TMC7: variants seen among roughly 807,000 people sequenced by gnomAD.
The protein encoded by TMC7 is transmembrane channel-like protein 7.
Under a neutral mutation model 82.9 loss-of-function variants are expected in TMC7, and 54 were observed. The ratio of observed to expected loss-of-function variants is 0.65; its 90% confidence interval spans 0.52 to 0.82. TMC7 has a LOEUF of 0.82. Ranked by LOEUF, TMC7 falls within the 40% of genes least tolerant of loss-of-function variation. The pLI, the probability that TMC7 is intolerant of heterozygous loss-of-function variation, is 0.00. For missense variants in TMC7, 820 were observed against 901.2 expected (o/e 0.91, Z 1.15); for synonymous variants, 350 against 337.9 (o/e 1.04, Z -0.39).
At chr16:18,991,735 G>A (rs561797736) in intron 1 of TMC7, among the ~76,000 whole-genome samples, 5 of 150,882 alleles carry the variant, frequency 3.3e-5, no homozygotes, top group East Asian at 2.0e-4. Context: ...TCCCTCCCCC[G>A]TCCCCGCACC....
At position 19,009,609 on chromosome 16, in the gene TMC7, G is replaced by GA. The variant is rs1008483523; in HGVS notation, c.311+205dup. Among the ~76,000 whole-genome samples the GA allele has an allele frequency of 2.2e-3, 306 of 141,484 alleles. 2 individuals carry two copies. The highest frequency in any genetic ancestry group is 4.4e-3 in the African/African-American group (172 of 38,730). The allele number at this position is 141,484 out of a possible 152,430, so 92.8% of individuals were successfully genotyped here. A position where few individuals can be genotyped will look rare whatever the true frequency, so the allele number is the denominator to read the frequency against. On this transcript the variant is annotated intron_variant, in intron 2 of 15. Transcript: ENST00000304381. ...GCTTCACTTGACTAGCCTTAAAAAA[G>GA]AAAAAAAAAAAGACACCCAAACATA...
chr16:18,987,799 G>T (rs1184713286), intron 1 of TMC7, among the ~76,000 whole-genome samples: 1 of 152,198 alleles, frequency 6.6e-6, no homozygotes, highest in Admixed American at 6.5e-5. Flanking sequence ...AGACTCTGGA[G>T]TCTCAAGTGC....
chr16:19,025,832 G>T (rs1340418608), intron 5 of TMC7, among the ~76,000 whole-genome samples: 3 of 150,118 alleles, frequency 2.0e-5, no homozygotes, highest in Non-Finnish European at 3.0e-5. Context: ...TTGGCTCATT[G>T]CAACCTCTGC....
chr16:19,013,914 C>G (rs565690367), intron 2 of TMC7, among the ~76,000 whole-genome samples: 6 of 139,480 alleles, frequency 4.3e-5, no homozygotes, highest in African/African-American at 1.6e-4. Flanking sequence ...AGTGCACTGG[C>G]ACCATCTTGG....
chr16:19,025,138 A>AGACCATCC, intron 5 of TMC7, among the ~76,000 whole-genome samples: 1 of 152,202 alleles, frequency 6.6e-6, no homozygotes, highest in Non-Finnish European at 1.5e-5. Context: ...CCTGGTCTCT[A>AGACCATCC]CCCACTAGAT....
At chr16:19,045,573 C>T (rs896499155) in intron 11 of TMC7, 135 bp downstream of exon 11, 2 of 549,108 alleles carry the variant, frequency 3.6e-6, no homozygotes, top group Admixed American at 3.1e-5. Flanking sequence ...CCCTGGAAAT[C>T]TGACAACTGG....
At chr16:18,997,953 C>T (rs2039073470) in intron 1 of TMC7, among the ~76,000 whole-genome samples, 1 of 151,844 alleles carries the variant, frequency 6.6e-6, no homozygotes, top group South Asian at 2.1e-4. Context: ...AGGATGGTCT[C>T]GATCTGCTGA....
At chr16:19,034,733 G>A (rs1960668925) in intron 6 of TMC7, among the ~76,000 whole-genome samples, 1 of 152,138 alleles carries the variant, frequency 6.6e-6, no homozygotes, top group Non-Finnish European at 1.5e-5. Flanking sequence ...ATGGGAAGGA[G>A]ATCAGCCATA....
At chr16:19,036,419 G>T (rs896639288) in intron 7 of TMC7, among the ~76,000 whole-genome samples, 4 of 152,174 alleles carry the variant, frequency 2.6e-5, no homozygotes, top group African/African-American at 9.7e-5. Flanking sequence ...TGAGGCAAGA[G>T]AATCGCTTGA....
In TMC7 at chr16:19,040,419, G is replaced by C. The variant is rs73528934; in HGVS notation, c.1310G>C (p.Gly437Ala). ...KIIRYEDYSP[G>A]FEIRLTILRC... The stretch of plus-strand genomic sequence containing the variant: ...ATCCGCTATGAGGATTATTCTCCAG[G>C]CTTTGAGATCCGTCTGACAATCCTT... Residue 437 changes from glycine (G) to alanine (A), a missense_variant, in exon 9 of 16, where the codon GGC becomes GCC. Gly to Ala is a moderately conservative substitution (Grantham distance 60). Around this residue, in one of 2 missense-constraint regions of TMC7, gnomAD observed 650 missense variants for 669.9 expected, o/e 0.97. Coordinates refer to ENST00000304381, the MANE Select transcript of TMC7 (RefSeq NM_024847.4). The C allele has an allele frequency of 8.7e-6, 14 of 1,612,624 alleles. No homozygotes were observed. The Admixed American group carries it at 2.3e-4, about 27-fold the overall frequency.
intron 1 of TMC7, among the ~76,000 whole-genome samples, chr16:18,995,858 A>G (rs1189718319): frequency 3.9e-5 from 6 of 152,196 alleles, no homozygotes; most frequent in African/African-American, 1.2e-4. Flanking sequence ...ACTGGGTAAT[A>G]AAGTGCATAT....
chr16:18,998,327 G>A (rs1328189244), intron 1 of TMC7, among the ~76,000 whole-genome samples: 1 of 152,188 alleles, frequency 6.6e-6, no homozygotes, highest in East Asian at 1.9e-4. Context: ...CAGCAAGTGA[G>A]GCTGGTGTCC....
chr16:19,059,482 G>A lies in TMC7; in HGVS notation c.2094G>A (p.Glu698=). The part of the protein sequence containing the change: ...AHKRVVIQLR[E]QLSLESRDKC... ...AACGGGTGGTCATCCAGCTCCGAGA[G>A]CAGCTATCCCTGGTAAGGAAGCATA... is the stretch of plus-strand genomic sequence containing the variant. The change falls in exon 15 of 16, where the codon GAG becomes GAA. Residue 698 remains glutamate, a synonymous_variant. Coordinates refer to ENST00000304381, the MANE Select transcript of TMC7 (RefSeq NM_024847.4). 6.2e-7 allele frequency: 1 copy of A among 1,614,146 alleles called. No homozygotes were observed. Among genetic ancestry groups the A allele is most frequent in the Non-Finnish European group, 8.5e-7 (1 of 1,180,032 alleles).
chr16:19,054,366 A>G (rs1288410066), intron 13 of TMC7, among the ~76,000 whole-genome samples: 1 of 152,074 alleles, frequency 6.6e-6, no homozygotes, highest in African/African-American at 2.4e-5. Flanking sequence ...AACTGGTTCC[A>G]TGATCTTCCC....
rs191163612 is a variant in TMC7, at chr16:19,032,896, G to A, written c.857+2527G>A. 2.5e-3 allele frequency among the ~76,000 whole-genome samples: 386 copies of A among 152,262 alleles called. 1 individual carries two copies. The highest frequency in any genetic ancestry group is 0.015 in the South Asian group (71 of 4,824). On this transcript the variant is annotated intron_variant, in intron 6 of 15. Transcript: ENST00000304381. ...CCCACCTCGGCCTCCCACAGTGCTGGGATTACAGGCGTGAGCCACCGCACC... is the reference window on the plus strand; with the variant it reads ...CCCACCTCGGCCTCCCACAGTGCTGAGATTACAGGCGTGAGCCACCGCACC...
chr16:19,040,418 G>GAC lies in TMC7; in HGVS notation c.1309_1310insAC (p.Gly437AspfsTer7). On this transcript the variant is annotated frameshift_variant, in exon 9 of 16. Transcript: ENST00000304381. LOFTEE classifies it high-confidence loss of function. ...CATCCGCTATGAGGATTATTCTCCAGGCTTTGAGATCCGTCTGACAATCCT... is the reference window on the plus strand; with the variant it reads ...CATCCGCTATGAGGATTATTCTCCAGACGCTTTGAGATCCGTCTGACAATCCT... The GAC allele has an allele frequency of 6.2e-7, 1 of 1,612,784 alleles. No individual in the cohort carries two copies. The highest frequency in any genetic ancestry group is 1.3e-5 in the African/African-American group (1 of 75,006).
At chr16:19,056,922 C>T (rs1373456446) in intron 14 of TMC7, among the ~76,000 whole-genome samples, 1 of 151,560 alleles carries the variant, frequency 6.6e-6, no homozygotes, top group Non-Finnish European at 1.5e-5. Context: ...GCCAGGAGTT[C>T]GAGACCAGCC....
chr16:19,018,251 C>T (rs1016574320), intron 3 of TMC7, among the ~76,000 whole-genome samples: 1 of 152,246 alleles, frequency 6.6e-6, no homozygotes, highest in African/African-American at 2.4e-5. Flanking sequence ...TGAACCCCTA[C>T]TTTCCTATAA....
intron 3 of TMC7, among the ~76,000 whole-genome samples, chr16:19,017,378 T>A (rs1959748336): frequency 6.7e-6 from 1 of 149,148 alleles, no homozygotes; most frequent in Non-Finnish European, 1.5e-5. Flanking sequence ...TAGTATTATT[T>A]AAAAATAATA....
Sources: allele counts gnomAD v4.1 joint callset (sites outside exome capture counted in the v4.1 genomes callset), GRCh38; gene constraint gnomAD v4.1.1; regional missense constraint gnomAD v4.1.1; transcripts MANE v1.5; gene names NCBI Gene and HGNC (gene_info 2026-07-23, HGNC 2026-07-21).